The following RFX8 variants were observed in gnomAD, a reference collection of about 807,000 sequenced individuals.
RFX8 encodes the protein DNA-binding protein RFX8.
A neutral mutation model predicts 54.6 loss-of-function variants in RFX8; 46 were observed. The observed-to-expected ratio is 0.84, with a 90% confidence interval of 0.67 to 1.08. The LOEUF (loss-of-function observed/expected upper bound fraction) is 1.08, where lower values mean the gene tolerates loss of function less well. Among genes scored for constraint, RFX8 ranks in the 50% least tolerant of loss-of-function variants. The pLI is 0.00. For synonymous variants in RFX8, 192 were observed against 209.5 expected (o/e 0.92, Z 0.72); for missense variants, 536 against 562.3 (o/e 0.95, Z 0.47).
At chr2:101,464,294 A>G (rs1689450965) in intron 2 of RFX8, among the ~76,000 whole-genome samples, 2 of 152,238 alleles carry the variant, frequency 1.3e-5, no homozygotes, top group South Asian at 4.1e-4. Flanking sequence ...TTATAATCAG[A>G]AAAACATCAG....
chr2:101,451,415 C>T (rs10176171), intron 2 of RFX8, among the ~76,000 whole-genome samples: 63,070 of 151,956 alleles, frequency 0.42, 15,103 homozygotes, highest in Non-Finnish European at 0.51. Context: ...GGGCTGGGCG[C>T]GGTGGCTCAC....
chr2:101,410,829 TC>T (rs1329185697), intron 8 of RFX8, 116 bp from the exon 9 acceptor site: 16 of 623,112 alleles, frequency 2.6e-5, no homozygotes, highest in East Asian at 1.7e-4. Context: ...TCGAAGGGAC[TC>T]CCCAGGGCCT....
intron 1 of RFX8, among the ~76,000 whole-genome samples, chr2:101,468,174 C>T (rs572767576): frequency 6.6e-6 from 1 of 152,296 alleles, no homozygotes; most frequent in Admixed American, 6.5e-5. Context: ...GCAATGCTTC[C>T]TTGGGGTAAC....
intron 11 of RFX8, among the ~76,000 whole-genome samples, 195 bp from the exon 12 acceptor site, chr2:101,397,919 C>T (rs1439465998): frequency 3.9e-5 from 6 of 151,988 alleles, no homozygotes; most frequent in Admixed American, 1.3e-4. Context: ...AGTGCCATGG[C>T]GCCATCTCAG....
At chr2:101,474,435 G>T in intron 1 of RFX8, 1 of 365,174 alleles carries the variant, frequency 2.7e-6, no homozygotes, top group Non-Finnish European at 4.9e-6. Flanking sequence ...AGTCCTCCAG[G>T]CCCGAGCCCG....
intron 9 of RFX8, 59 bp from the exon 10 acceptor site, chr2:101,406,116 A>G (rs1199478447): frequency 3.3e-6 from 3 of 905,806 alleles, no homozygotes; most frequent in East Asian, 2.7e-5. Context: ...GAAGCATAGT[A>G]TGTTTTCAAA....
chr2:101,474,331 G>A (rs1275780281), intron 1 of RFX8: 4 of 458,576 alleles, frequency 8.7e-6, no homozygotes, highest in African/African-American at 2.1e-5. Context: ...GCCGTGGGCG[G>A]CGCTGGGTTG....
chr2:101,413,277 G>A (rs7603471), intron 7 of RFX8, among the ~76,000 whole-genome samples: 101,280 of 152,062 alleles, frequency 0.67, 36,325 homozygotes, highest in Non-Finnish European at 0.8. Flanking sequence ...GAGAAAGAAC[G>A]CATCTCTAGG....
chr2:101,447,923 C>T (rs1688478735), intron 2 of RFX8, among the ~76,000 whole-genome samples: 2 of 152,210 alleles, frequency 1.3e-5, no homozygotes, highest in Admixed American at 1.3e-4. Context: ...TTGCTCTTGG[C>T]TTCTAAGATG....
At chr2:101,417,747 GC>G in intron 5 of RFX8, 63 bp from the exon 6 acceptor site, 1 of 1,367,770 alleles carries the variant, frequency 7.3e-7, no homozygotes, top group Non-Finnish European at 9.9e-7. Context: ...TGAAGCTTAT[GC>G]ATGCCACAGG....
intron 2 of RFX8, among the ~76,000 whole-genome samples, chr2:101,448,483 T>C (rs1471193925): frequency 1.3e-5 from 2 of 152,248 alleles, no homozygotes; most frequent in African/African-American, 4.8e-5. Context: ...CTGTTCTTCA[T>C]TGCTTCACTC....
chr2:101,424,499 C>A lies in RFX8; in HGVS notation c.73-2027G>T, dbSNP rs1247852559. 2.0e-5 allele frequency among the ~76,000 whole-genome samples: 3 copies of A among 152,298 alleles called. No homozygotes were observed. The East Asian group carries it at 5.8e-4, about 29-fold the overall frequency. ...CTAGAACTAGAAATACCATTTGACC[C>A]AGTGATCCCATTACTGGGTATATAC... On this transcript the variant is annotated intron_variant, in intron 2 of 11. Coordinates refer to ENST00000428343, the MANE Select transcript of RFX8 (RefSeq NM_001145664.2).
intron 2 of RFX8, among the ~76,000 whole-genome samples, chr2:101,461,276 A>AG (rs1381233872): frequency 2.0e-4 from 30 of 148,160 alleles, no homozygotes; most frequent in East Asian, 1.4e-3. Flanking sequence ...AAAAAAAAAA[A>AG]AAAAAAGAAA....
chr2:101,440,715 G>A (rs1387227125), intron 2 of RFX8, among the ~76,000 whole-genome samples: 1 of 152,158 alleles, frequency 6.6e-6, no homozygotes, highest in East Asian at 1.9e-4. Flanking sequence ...AGTCCTGTGA[G>A]TCCTTCTACT....
At chr2:101,441,706 A>G (rs748027601) in intron 2 of RFX8, among the ~76,000 whole-genome samples, 15 of 152,214 alleles carry the variant, frequency 9.9e-5, no homozygotes, top group Non-Finnish European at 1.8e-4. Flanking sequence ...AGATATGAAC[A>G]TAGCCACTCC....
chr2:101,409,624 C>T (rs1209327981), intron 9 of RFX8, among the ~76,000 whole-genome samples: 2 of 152,096 alleles, frequency 1.3e-5, no homozygotes, highest in East Asian at 1.9e-4. Flanking sequence ...CTCAACCTCC[C>T]GAGTAGCTGG....
chr2:101,426,513 C>T lies in RFX8; in HGVS notation c.73-4041G>A, dbSNP rs561342793. Among the ~76,000 whole-genome samples the T allele has an allele frequency of 4.6e-5, 7 of 152,090 alleles. No individual in the cohort carries two copies. In the East Asian group the frequency reaches 7.7e-4, roughly 17 times the overall value. ...CAGCCTGGGCAAAAGAGCAAGACCT[C>T]GTCTCTAAAAAATAAAATAAATAAA... On this transcript the variant is annotated intron_variant, in intron 2 of 11. Coordinates refer to ENST00000428343, the MANE Select transcript of RFX8 (RefSeq NM_001145664.2).
chr2:101,452,224 T>A (rs1688723991), intron 2 of RFX8, among the ~76,000 whole-genome samples: 1 of 152,256 alleles, frequency 6.6e-6, no homozygotes. Context: ...TAGCACCAAC[T>A]CAATGATTTC....
At chr2:101,412,852 G>A in intron 8 of RFX8, 63 bp downstream of exon 8, 2 of 1,445,212 alleles carry the variant, frequency 1.4e-6, no homozygotes, top group South Asian at 1.3e-5. Context: ...GTTAACGATG[G>A]CCATGCTAGC....
Sources: allele counts gnomAD v4.1 joint callset (sites outside exome capture counted in the v4.1 genomes callset), GRCh38; gene constraint gnomAD v4.1.1; transcripts MANE v1.5; gene names NCBI Gene and HGNC (gene_info 2026-07-23, HGNC 2026-07-21).